The following ANKS1B variants were observed in gnomAD, a reference collection of about 807,000 sequenced individuals.
ANKS1B encodes ankyrin repeat and sterile alpha motif domain containing 1B.
In ANKS1B, 36 loss-of-function variants were observed where a neutral mutation model predicts 148.3. That is an observed-to-expected ratio of 0.24 (90% CI 0.19 to 0.32). The LOEUF (loss-of-function observed/expected upper bound fraction) is 0.32, where lower values mean the gene tolerates loss of function less well. ANKS1B is among the 10% of genes least tolerant of loss of function. The probability of loss-of-function intolerance (pLI) is 1.00; values close to 1 mark genes in which losing one functional copy is unlikely to be tolerated. For missense variants in ANKS1B, 1,157 were observed against 1,542.6 expected (o/e 0.75, Z 4.19); for synonymous variants, 542 against 560.8 (o/e 0.97, Z 0.47).
intron 17 of ANKS1B, among the ~76,000 whole-genome samples, chr12:98,940,581 C>A (rs890777589): frequency 2.0e-5 from 3 of 152,208 alleles, no homozygotes; most frequent in Admixed American, 1.3e-4. Flanking sequence ...CCATGAATTA[C>A]TTGTGTAAAT....
chr12:98,855,702 T>C (rs1320339589), intron 17 of ANKS1B, among the ~76,000 whole-genome samples: 1 of 152,360 alleles, frequency 6.6e-6, no homozygotes, highest in Middle Eastern at 3.4e-3. Flanking sequence ...ATCATCAATG[T>C]GAAAAGCTGG....
intron 12 of ANKS1B, among the ~76,000 whole-genome samples, chr12:99,394,163 C>T (rs2094166706): frequency 6.6e-6 from 1 of 152,278 alleles, no homozygotes; most frequent in Admixed American, 6.5e-5. Flanking sequence ...TCAAACTCTA[C>T]ATTTCCTTCT....
At chr12:99,856,339 T>G (rs564382037) in intron 1 of ANKS1B, among the ~76,000 whole-genome samples, 2 of 152,092 alleles carry the variant, frequency 1.3e-5, no homozygotes, top group East Asian at 3.9e-4. Flanking sequence ...CCTGGAAATA[T>G]ACAGCCCTCC....
At chr12:99,466,031 G>C (rs533224954) in intron 10 of ANKS1B, among the ~76,000 whole-genome samples, 10 of 152,140 alleles carry the variant, frequency 6.6e-5, no homozygotes, top group South Asian at 2.1e-4. Context: ...TGACCACATA[G>C]TTGGAAGTAA....
intron 1 of ANKS1B, among the ~76,000 whole-genome samples, chr12:99,969,187 G>A (rs2095527524): frequency 6.6e-6 from 1 of 151,980 alleles, no homozygotes; most frequent in African/African-American, 2.4e-5. Context: ...GTTTTTGTGG[G>A]GGTTGTTCTG....
chr12:99,428,128 T>G (rs1252735480), intron 11 of ANKS1B, among the ~76,000 whole-genome samples: 1 of 152,208 alleles, frequency 6.6e-6, no homozygotes, highest in Non-Finnish European at 1.5e-5. Context: ...GGAAGGAGTC[T>G]GGCATTGGGT....
chr12:99,365,148 G>A (rs931948576), intron 12 of ANKS1B, among the ~76,000 whole-genome samples: 2 of 152,164 alleles, frequency 1.3e-5, no homozygotes, highest in Non-Finnish European at 2.9e-5. Context: ...GCCAGTGGCT[G>A]GGAGTACATT....
intron 17 of ANKS1B, among the ~76,000 whole-genome samples, chr12:98,983,747 G>A (rs2099920996): frequency 6.6e-6 from 1 of 152,276 alleles, no homozygotes; most frequent in Admixed American, 6.5e-5. Flanking sequence ...ATATAAAAAG[G>A]AGTCAGCAAT....
chr12:99,108,508 C>G (rs1282153166), intron 15 of ANKS1B, among the ~76,000 whole-genome samples: 1 of 152,164 alleles, frequency 6.6e-6, no homozygotes, highest in Non-Finnish European at 1.5e-5. Flanking sequence ...AAATAACATT[C>G]AGCAATCATA....
At position 99,246,522 on chromosome 12, in the gene ANKS1B, T is replaced by A. The variant is rs779894490; in HGVS notation, c.2099A>T (p.Asp700Val). 2 of 1,613,264 alleles carry A rather than the reference T, an allele frequency of 1.2e-6. No individual in the cohort carries two copies. The highest frequency in any genetic ancestry group is 3.3e-5 in the Admixed American group (2 of 59,924). Residue 700 changes from aspartate (D) to valine (V), a missense_variant, in exon 13 of 27, where the codon GAC becomes GTC. Physicochemically the swap from Asp to Val is radical, Grantham distance 152 (BLOSUM62 -3). This residue lies in a region of ANKS1B where 661 missense variants were observed against 642.1 expected (regional missense o/e 1.03). Transcript: ENST00000683438. ...TCCCCCTGCGTTCATAACCCACTGG[T>A]CCCCATTCCGAGATCCACTCCTGGT... ...RSTRSGSRNGDQWVMNAGGFV... is the reference protein window; with the variant it reads ...RSTRSGSRNGVQWVMNAGGFV...
At chr12:99,159,980 C>T (rs1412472617) in intron 14 of ANKS1B, among the ~76,000 whole-genome samples, 1 of 152,110 alleles carries the variant, frequency 6.6e-6, no homozygotes, top group East Asian at 1.9e-4. Flanking sequence ...TGATCAGTGA[C>T]GTTAAGCATT....
At chr12:98,857,542 G>A (rs1445707698) in intron 17 of ANKS1B, among the ~76,000 whole-genome samples, 1 of 151,770 alleles carries the variant, frequency 6.6e-6, no homozygotes. Context: ...GTGTTACTTG[G>A]ATAAGTCTAG....
chr12:98,916,237 C>G (rs1356786608), intron 17 of ANKS1B, among the ~76,000 whole-genome samples: 2 of 152,222 alleles, frequency 1.3e-5, no homozygotes, highest in African/African-American at 4.8e-5. Flanking sequence ...AGGTTTAGAA[C>G]AGACAATTGG....
chr12:99,955,119 A>G (rs529985451), intron 1 of ANKS1B, among the ~76,000 whole-genome samples: 1 of 152,240 alleles, frequency 6.6e-6, no homozygotes, highest in South Asian at 2.1e-4. Context: ...AAAACTCCCC[A>G]GGCTTGTTTC....
chr12:99,052,170 C>T (rs1272225314), intron 17 of ANKS1B, among the ~76,000 whole-genome samples: 2 of 152,114 alleles, frequency 1.3e-5, no homozygotes, highest in Non-Finnish European at 2.9e-5. Flanking sequence ...TTCATTTATG[C>T]TAGAAAATAA....
downstream of ANKS1B, among the ~76,000 whole-genome samples, chr12:98,742,966 C>T (rs1173617182): frequency 6.6e-6 from 1 of 152,116 alleles, no homozygotes; most frequent in East Asian, 1.9e-4. Context: ...ACCTTCAGAT[C>T]GACTAGCCTA....
At chr12:99,678,526 G>A (rs1197659211) in intron 8 of ANKS1B, among the ~76,000 whole-genome samples, 3 of 152,060 alleles carry the variant, frequency 2.0e-5, no homozygotes, top group Non-Finnish European at 4.4e-5. Context: ...CACAAGCAAG[G>A]AGAGAAAATT....
intron 17 of ANKS1B, among the ~76,000 whole-genome samples, chr12:98,996,708 G>A (rs1401275489): frequency 6.6e-6 from 1 of 151,134 alleles, no homozygotes; most frequent in East Asian, 2.0e-4. Context: ...AGCTACTTGG[G>A]AGGCTGAGGC....
rs369956768 is a variant in ANKS1B, at chr12:99,641,855, G to A, written c.1272+13212C>T. Among the ~76,000 whole-genome samples the A allele has an allele frequency of 1.6e-4, 24 of 151,926 alleles. No individual in the cohort carries two copies. In the East Asian group the frequency reaches 1.7e-3, roughly 11 times the overall value. On this transcript the variant is annotated intron_variant, in intron 9 of 26. Transcript: ENST00000683438. ...TATTGTTGCTAAAAGAAGCTATTCC[G>A]TCTATTTTTTTAATTTTATATCAAA...
Sources: gnomAD v4.1 joint callset for allele counts (sites outside exome capture counted in the v4.1 genomes callset) on GRCh38, gnomAD v4.1.1 for gene constraint, gnomAD v4.1.1 regional missense constraint, MANE v1.5 for transcripts, NCBI Gene and HGNC (gene_info 2026-07-23, HGNC 2026-07-21) for gene names.